Variants in KCNAB3 observed in about 807,000 individuals in gnomAD.
KCNAB3 encodes potassium voltage-gated channel subfamily A regulatory beta subunit 3.
KCNAB3 carries 62 observed loss-of-function variants against 67.7 expected under a neutral mutation model. The ratio of observed to expected loss-of-function variants is 0.92; its 90% CI spans 0.75 to 1.13. KCNAB3 has a LOEUF of 1.13. Among genes scored for constraint, KCNAB3 ranks in the 50% most tolerant of loss-of-function variants. KCNAB3 has a pLI of 0.00. For missense variants in KCNAB3, 514 were observed against 522.9 expected (o/e 0.98, Z 0.17); for synonymous variants, 212 against 205.4 (o/e 1.03, Z -0.27).
intron 1 of KCNAB3, 142 bp from the exon 2 acceptor site, chr17:7,927,968 T>C: frequency 2.1e-6 from 2 of 933,736 alleles, no homozygotes; most frequent in Non-Finnish European, 3.5e-6. Flanking sequence ...CCTATAAGAT[T>C]GGGCAAGTGC....
In KCNAB3 at chr17:7,929,521, G is replaced by A. The variant is rs1247869140; in HGVS notation, c.-86C>T. 2.6e-6 allele frequency: 4 copies of A among 1,531,276 alleles called. No homozygotes were observed. The highest frequency in any genetic ancestry group is 3.5e-6 in the Non-Finnish European group (4 of 1,142,412). The allele number at this position is 1,531,276 out of a possible 1,614,324, so 94.9% of individuals were successfully genotyped here. On this transcript the variant is annotated 5_prime_UTR_variant, in exon 1 of 14. Transcript: ENST00000303790. This position sits in a 1 kb window ranked among gnomAD's most constrained non-coding sequence, Gnocchi z 5.7. ...CCGAGGGCTGACGACCGGGGGCGTA[G>A]TGGGGCGAACCCCGGCAGAGCGGGA...
chr17:7,924,693 T>C, intron 8 of KCNAB3, 193 bp from the exon 9 acceptor site: 2 of 1,365,114 alleles, frequency 1.5e-6, no homozygotes, highest in Non-Finnish European at 1.9e-6. Flanking sequence ...TTGGAGGCCT[T>C]CTGAGCAGGG....
In KCNAB3 at chr17:7,923,038, C is replaced by A. The variant is rs1336855229; in HGVS notation, c.*64G>T. On this transcript the variant is annotated 3_prime_UTR_variant, in exon 14 of 14. Coordinates refer to ENST00000303790, the MANE Select transcript of KCNAB3 (RefSeq NM_004732.4). ...GAGGGATCCGGAGCGGGAGAGGCGG[C>A]TGCGAGGAGCGGGGCTCGGGCGGGT... 1.2e-5 allele frequency: 18 copies of A among 1,494,832 alleles called. No homozygotes were observed. Among genetic ancestry groups the A allele is most frequent in the Admixed American group, 3.4e-5 (2 of 59,694 alleles). 92.6% of individuals were successfully genotyped at this position (1,494,832 alleles called of 1,614,324 possible).
At position 7,929,243 on chromosome 17, in the gene KCNAB3, C is replaced by T. The variant is rs918941108; in HGVS notation, c.193G>A (p.Ala65Thr). ...AALVPRPPAP[A>T]GALRESTGRG... is the part of the protein sequence containing the mutation. ...CCGGTGCTCTCTCGGAGGGCCCCAGCGGGCGCTGGGGGTCGGGGAACCAGT... is the reference window on the plus strand; with the variant it reads ...CCGGTGCTCTCTCGGAGGGCCCCAGTGGGCGCTGGGGGTCGGGGAACCAGT... The change falls in exon 1 of 14, where the codon GCT becomes ACT. Residue 65 changes from alanine (A) to threonine (T), a missense_variant. Coordinates refer to ENST00000303790, the MANE Select transcript of KCNAB3 (RefSeq NM_004732.4). This position sits in a 1 kb window ranked among gnomAD's most constrained non-coding sequence, Gnocchi z 5.7. The T allele has an allele frequency of 1.9e-5, 30 of 1,609,828 alleles. No homozygotes were observed. Among genetic ancestry groups the T allele is most frequent in the Non-Finnish European group, 2.5e-5 (29 of 1,178,760 alleles).
Position 7,924,417 on chromosome 17 carries a change from T to C in KCNAB3, c.709A>G (p.Met237Val), listed in dbSNP as rs746364868. 3.7e-6 allele frequency: 6 copies of C among 1,613,618 alleles called. No individual in the cohort carries two copies. The Admixed American group carries it at 1.0e-4, about 27-fold the overall frequency. ...GTSRWGAAEIMEAYSMARQFN... is the reference protein window; with the variant it reads ...GTSRWGAAEIVEAYSMARQFN... ...GCAAGGTGGGGTCACACACTCACCATGATTTCTGCAGCCCCCCATCGGGAT... is the reference window on the plus strand; with the variant it reads ...GCAAGGTGGGGTCACACACTCACCACGATTTCTGCAGCCCCCCATCGGGAT... The change falls in exon 9 of 14, where the codon ATG (methionine) becomes GTG (valine). Residue 237 changes from methionine (M) to valine (V), a missense_variant and splice_region_variant. Transcript: ENST00000303790.
chr17:7,927,515 C>G (rs1972274066), intron 3 of KCNAB3, 92 bp from the exon 4 acceptor site: 2 of 1,508,278 alleles, frequency 1.3e-6, no homozygotes. Flanking sequence ...CCTGGGTTCT[C>G]TAGTCTCTCC....
chr17:7,923,421 G>A (rs1264657625), intron 13 of KCNAB3, 35 bp downstream of exon 13: 13 of 1,581,778 alleles, frequency 8.2e-6, no homozygotes, highest in Non-Finnish European at 1.1e-5. Flanking sequence ...TGGGGAGGGG[G>A]ACAGATAGGC....
rs1035664410 is a variant in KCNAB3, at chr17:7,924,152, G to T, written c.825C>A (p.His275Gln). The T allele has an allele frequency of 2.5e-6, 4 of 1,614,104 alleles. No individual in the cohort carries two copies. In the African/African-American group the frequency reaches 5.3e-5, roughly 22 times the overall value. ...KVEMQLPELYHKIGVGSVTWY... is the reference protein window; with the variant it reads ...KVEMQLPELYQKIGVGSVTWY... ...GGGATGAGGGCTGCAAACCAATCTTGTGGTAGAGCTCTGGCAGCTGCATCT... is the reference window on the plus strand; with the variant it reads ...GGGATGAGGGCTGCAAACCAATCTTTTGGTAGAGCTCTGGCAGCTGCATCT... The change falls in exon 10 of 14, where the codon CAC (histidine) becomes CAA (glutamine). Residue 275 changes from histidine to glutamine, a missense_variant. Physicochemically the swap from His to Gln is conservative, Grantham distance 24 (BLOSUM62 0). Coordinates refer to ENST00000303790, the MANE Select transcript of KCNAB3 (RefSeq NM_004732.4).
In KCNAB3 at chr17:7,929,833, CCG is replaced by C; in HGVS notation, c.-400_-399del. ...GCTGCGGGACCCGCTGGGCTCCCAG[CCG>C]CGTCGGCAGCGGGCCCAGCTCATCA... is the stretch of plus-strand genomic sequence containing the variant. On this transcript the variant is annotated 5_prime_UTR_variant, in exon 1 of 14. Transcript: ENST00000303790. This position sits in a 1 kb window ranked among gnomAD's most constrained non-coding sequence, Gnocchi z 5.7. 5.8e-6 allele frequency: 6 copies of C among 1,028,736 alleles called. No homozygotes were observed. The highest frequency in any genetic ancestry group is 3.5e-5 in the South Asian group (1 of 28,578). The allele number at this position is 1,028,736 out of a possible 1,614,324, so 63.7% of individuals were successfully genotyped here.
intron 4 of KCNAB3, among the ~76,000 whole-genome samples, chr17:7,926,340 C>A (rs755083127): frequency 1.8e-4 from 27 of 152,176 alleles, no homozygotes; most frequent in Non-Finnish European, 3.2e-4. Flanking sequence ...CCAAGCCCTG[C>A]TGTGGGTGCC....
intron 6 of KCNAB3, 75 bp downstream of exon 6, chr17:7,925,855 TC>T: frequency 1.3e-6 from 2 of 1,547,846 alleles, no homozygotes; most frequent in Non-Finnish European, 1.8e-6. Context: ...AGGATAGCTG[TC>T]CCCACCCCCA....
At position 7,924,026 on chromosome 17, in the gene KCNAB3, C is replaced by T. The variant is rs752283494; in HGVS notation, c.869G>A (p.Gly290Asp). 6.2e-7 allele frequency: 1 copy of T among 1,613,962 alleles called. No homozygotes were observed. The highest frequency in any genetic ancestry group is 8.5e-7 in the Non-Finnish European group (1 of 1,180,008). Residue 290 changes from glycine (G) to aspartate (D), a missense_variant, in exon 11 of 14, where the codon GGT becomes GAT. By Grantham distance (94) the Gly-to-Asp change is moderately conservative. Transcript: ENST00000303790. ...GSVTWYPLAC[G>D]LITSKYDGRV... ...CCCATCATACTTGCTAGTAATGAGA[C>T]CACAGGCTAGAGGGTACCAAGTGAC...
chr17:7,925,047 G>T (rs1270734607), intron 8 of KCNAB3, 50 bp downstream of exon 8: 1 of 1,531,888 alleles, frequency 6.5e-7, no homozygotes, highest in African/African-American at 1.4e-5. Context: ...CACCCAGCAA[G>T]GAAGTGCTCA....
At chr17:7,927,323 C>T (rs1310356702) in intron 4 of KCNAB3, 21 bp downstream of exon 4, 1 of 1,608,402 alleles carries the variant, frequency 6.2e-7, no homozygotes, top group Admixed American at 1.7e-5. Flanking sequence ...TGGAGCTTAG[C>T]TCTTTCACCC....
In KCNAB3 at chr17:7,922,905, TTCTC is replaced by T; in HGVS notation, c.*193_*196del. ...CGCAGCAGGGGGCGGGCGTGCTACT[TTCTC>T]TCTCGACCCCACTGCAAAAGGATAT... On this transcript the variant is annotated 3_prime_UTR_variant, in exon 14 of 14. Transcript: ENST00000303790. 1.7e-6 allele frequency: 1 copy of T among 596,418 alleles called. No individual in the cohort carries two copies. Among genetic ancestry groups the T allele is most frequent in the Non-Finnish European group, 3.0e-6 (1 of 331,648 alleles). The allele number at this position is 596,418 out of a possible 1,614,324, so 36.9% of individuals were successfully genotyped here.
rs1297885197 is a variant in KCNAB3, at chr17:7,924,408, C to T, written c.711+7G>A. The T allele has an allele frequency of 5.0e-6, 8 of 1,612,798 alleles. No homozygotes were observed. The highest frequency in any genetic ancestry group is 6.8e-6 in the Non-Finnish European group (8 of 1,179,296). On this transcript the variant is annotated splice_region_variant and intron_variant, in intron 9 of 13. Coordinates refer to ENST00000303790, the MANE Select transcript of KCNAB3 (RefSeq NM_004732.4). ...GGGACAGGGGCAAGGTGGGGTCACA[C>T]ACTCACCATGATTTCTGCAGCCCCC...
In KCNAB3 at chr17:7,925,939, C is replaced by T; in HGVS notation, c.486G>A (p.Trp162Ter). The T allele has an allele frequency of 1.9e-6, 3 of 1,613,602 alleles. No individual in the cohort carries two copies. Among genetic ancestry groups the T allele is most frequent in the Non-Finnish European group, 2.5e-6 (3 of 1,179,904 alleles). ...GTGGGGCAGCCACTTACTGTCCTCC[C>T]CAAAAAATCTTGGTAGTGATGACAT... ...SSYVITTKIF[W>*]GGQAETERGL... Residue 162 changes from tryptophan (W) to a stop codon, truncating the protein, a stop_gained, in exon 6 of 14, where the codon TGG (tryptophan) becomes TGA (stop). Transcript: ENST00000303790. LOFTEE classifies it high-confidence loss of function.
At chr17:7,927,226 G>A in intron 4 of KCNAB3, 118 bp downstream of exon 4, 2 of 957,754 alleles carry the variant, frequency 2.1e-6, no homozygotes, top group South Asian at 2.6e-5. Flanking sequence ...TCCGCCAAAA[G>A]GTTGGAACTT....
chr17:7,925,045 A>AAGGAAGTGC, intron 8 of KCNAB3, 52 bp downstream of exon 8: 1 of 1,519,310 alleles, frequency 6.6e-7, no homozygotes, highest in Non-Finnish European at 9.1e-7. Context: ...CGCACCCAGC[A>AAGGAAGTGC]AGGAAGTGCT....
Sources: gnomAD v4.1 joint callset for allele counts (sites outside exome capture counted in the v4.1 genomes callset) on GRCh38, gnomAD v4.1.1 for gene constraint, Gnocchi (gnomAD v3.1) non-coding constraint, MANE v1.5 for transcripts, NCBI Gene and HGNC (gene_info 2026-07-23, HGNC 2026-07-21) for gene names.